KLRG1: variants seen among roughly 807,000 people sequenced by gnomAD.
KLRG1 encodes killer cell lectin like receptor G1, also known as killer cell lectin-like receptor subfamily G member 1.
KLRG1 carries 16 observed loss-of-function variants against 21.8 expected under a neutral mutation model. That is an observed-to-expected ratio of 0.73 (90% CI 0.50 to 1.11). The LOEUF is 1.11. KLRG1 is among the 50% of genes most tolerant of loss of function. The pLI is 0.00. For missense variants in KLRG1, 173 were observed against 218.3 expected, an observed-to-expected ratio of 0.79 and a Z score of 1.31; for synonymous variants, 69 against 75.9, an observed-to-expected ratio of 0.91 and a Z score of 0.47.
the KLRG1 span, among the ~76,000 whole-genome samples, chr12:9,022,540 C>T: frequency 6.6e-6 from 1 of 152,056 alleles, no homozygotes; most frequent in Non-Finnish European, 1.5e-5. Context: ...CTTATGTATG[C>T]TCATGAATGA....
At chr12:9,037,931 G>T in the KLRG1 span, among the ~76,000 whole-genome samples, 1 of 152,244 alleles carries the variant, frequency 6.6e-6, no homozygotes, top group Admixed American at 6.5e-5. Flanking sequence ...TTAGGGTTAC[G>T]TTTATCAGAA....
chr12:9,168,799 C>T, the KLRG1 span: 1 of 1,169,210 alleles, frequency 8.6e-7, no homozygotes, highest in Non-Finnish European at 1.3e-6. Context: ...TACATTACCT[C>T]ATTTTAGCAT....
chr12:9,097,699 T>G, the KLRG1 span, among the ~76,000 whole-genome samples: 3 of 148,812 alleles, frequency 2.0e-5, no homozygotes, highest in African/African-American at 7.5e-5. Context: ...AGTGGCACGA[T>G]CTCGGCTCAC....
At chr12:8,951,214 C>G (rs763842705) in intron 1 of KLRG1, among the ~76,000 whole-genome samples, 2 of 152,154 alleles carry the variant, frequency 1.3e-5, no homozygotes, top group African/African-American at 4.8e-5. Flanking sequence ...GGCTCATGCC[C>G]GTAATCCCAG....
the KLRG1 span, among the ~76,000 whole-genome samples, chr12:9,056,564 GGTGTGT>G: frequency 1.0e-5 from 1 of 96,092 alleles, no homozygotes; most frequent in African/African-American, 3.8e-5. Flanking sequence ...TTACTTGGGG[GGTGTGT>G]GTGTGTGTGT....
chr12:9,038,311 G>A, the KLRG1 span, among the ~76,000 whole-genome samples: 1 of 152,160 alleles, frequency 6.6e-6, no homozygotes, highest in Non-Finnish European at 1.5e-5. Flanking sequence ...AGGCTGCCAG[G>A]AAGGGCAGGC....
chr12:9,212,261 A>T, the KLRG1 span, among the ~76,000 whole-genome samples: 47 of 152,300 alleles, frequency 3.1e-4, no homozygotes, highest in South Asian at 9.1e-3. Context: ...CACAGATGAG[A>T]GGGCCTGGAG....
At chr12:9,052,348 A>G in the KLRG1 span, among the ~76,000 whole-genome samples, 34 of 152,158 alleles carry the variant, frequency 2.2e-4, no homozygotes, top group Non-Finnish European at 1.5e-5. Context: ...CTCCTCCCTC[A>G]GCATAGTCTG....
the KLRG1 span, chr12:9,164,002 A>G: frequency 7.6e-7 from 1 of 1,319,374 alleles, no homozygotes; most frequent in South Asian, 1.5e-5. Flanking sequence ...CATAGTGGAT[A>G]GAAATAGGAA....
chr12:9,160,055 A>G, the KLRG1 span: 3 of 1,585,672 alleles, frequency 1.9e-6, no homozygotes, highest in South Asian at 3.3e-5. Flanking sequence ...ATTGTTCATG[A>G]AGCATTAAAG....
At chr12:9,101,355 T>G in the KLRG1 span, 2 of 1,342,236 alleles carry the variant, frequency 1.5e-6, no homozygotes, top group South Asian at 2.6e-5. Context: ...GATAAGAAGT[T>G]GAAGTAATGA....
intron 1 of KLRG1, among the ~76,000 whole-genome samples, chr12:8,965,373 A>G (rs906366263): frequency 7.2e-5 from 11 of 152,220 alleles, no homozygotes; most frequent in East Asian, 5.8e-4. Flanking sequence ...AGGGTATTCA[A>G]TTAGGAAAAG....
the KLRG1 span, chr12:9,197,129 A>G: frequency 6.3e-7 from 1 of 1,575,038 alleles, no homozygotes; most frequent in East Asian, 2.3e-5. Context: ...TGTATCTGGT[A>G]CATGAGAAAT....
chr12:9,075,278 C>T, the KLRG1 span, among the ~76,000 whole-genome samples: 4 of 152,154 alleles, frequency 2.6e-5, no homozygotes, highest in Admixed American at 2.6e-4. Context: ...CCAATATACA[C>T]TGCTGTGGGA....
At chr12:9,106,103 C>A in the KLRG1 span, 1 of 540,650 alleles carries the variant, frequency 1.8e-6, no homozygotes, top group Non-Finnish European at 3.3e-6. Context: ...CTAATCAAGC[C>A]TTGGTGATAT....
At chr12:9,174,684 C>G in the KLRG1 span, among the ~76,000 whole-genome samples, 1 of 152,016 alleles carries the variant, frequency 6.6e-6, no homozygotes, top group Non-Finnish European at 1.5e-5. Flanking sequence ...AGCAGAGATC[C>G]AAATCATGAA....
the KLRG1 span, among the ~76,000 whole-genome samples, chr12:9,141,109 A>G: frequency 7.4e-4 from 112 of 152,342 alleles, no homozygotes; most frequent in Non-Finnish European, 1.4e-3. Context: ...ACAATTGACA[A>G]GAATATCTGT....
At chr12:9,117,786 CATTAA>C in the KLRG1 span, among the ~76,000 whole-genome samples, 6 of 152,116 alleles carry the variant, frequency 3.9e-5, no homozygotes, top group African/African-American at 1.4e-4. Context: ...TAAAGAGAAA[CATTAA>C]ATTAATTTTA....
At chr12:9,086,730 G>A in the KLRG1 span, among the ~76,000 whole-genome samples, 1 of 152,162 alleles carries the variant, frequency 6.6e-6, no homozygotes, top group African/African-American at 2.4e-5. Context: ...TCTGGAACAA[G>A]ACAAGGATAC....
Sources: gnomAD v4.1 joint callset for allele counts (sites outside exome capture counted in the v4.1 genomes callset) on GRCh38, gnomAD v4.1.1 for gene constraint, MANE v1.5 for transcripts, NCBI Gene and HGNC (gene_info 2026-07-23, HGNC 2026-07-21) for gene names.